CSMD3: variants seen among roughly 807,000 people sequenced by gnomAD.
The protein encoded by CSMD3 is CUB and Sushi multiple domains 3.
CSMD3 carries 177 observed loss-of-function variants against 435.2 expected under a neutral mutation model. The ratio of observed to expected loss-of-function variants is 0.41; its 90% confidence interval spans 0.36 to 0.46. The LOEUF (loss-of-function observed/expected upper bound fraction) is 0.46. Ranked by LOEUF, CSMD3 falls within the 20% of genes least tolerant of loss-of-function variation. The probability of loss-of-function intolerance (pLI) is 0.34; values close to 1 mark genes in which losing one functional copy is unlikely to be tolerated. For synonymous variants in CSMD3, 1,656 were observed against 1,520.5 expected, an observed-to-expected ratio of 1.09 and a Z score of -2.07; for missense variants, 4,265 against 4,504.6, an observed-to-expected ratio of 0.95 and a Z score of 1.52.
At chr8:113,342,663 C>T (rs928613963) in intron 1 of CSMD3, among the ~76,000 whole-genome samples, 1 of 152,084 alleles carries the variant, frequency 6.6e-6, no homozygotes, top group African/African-American at 2.4e-5. Context: ...GATTCTCAGG[C>T]ATATTAAGTT....
chr8:112,717,371 C>T (rs544553801), intron 13 of CSMD3, among the ~76,000 whole-genome samples: 52 of 152,240 alleles, frequency 3.4e-4, no homozygotes, highest in African/African-American at 1.2e-3. Context: ...CAATGAGATA[C>T]TATCTCTTGC....
chr8:112,823,815 G>A (rs111431020), intron 12 of CSMD3, among the ~76,000 whole-genome samples: 99 of 152,232 alleles, frequency 6.5e-4, no homozygotes, highest in African/African-American at 2.2e-3. Flanking sequence ...GGGGTGGAGC[G>A]TTCTGTAGAT....
At chr8:113,155,395 C>A (rs922599082) in intron 4 of CSMD3, among the ~76,000 whole-genome samples, 1 of 151,992 alleles carries the variant, frequency 6.6e-6, no homozygotes, top group Non-Finnish European at 1.5e-5. Context: ...TAGCTCATTT[C>A]TTGGCCTTTA....
At chr8:112,245,735 G>A (rs758051228) in intron 64 of CSMD3, among the ~76,000 whole-genome samples, 2 of 152,008 alleles carry the variant, frequency 1.3e-5, no homozygotes, top group Admixed American at 6.6e-5. Flanking sequence ...GATGGGTTTC[G>A]CCATGGTGAC....
intron 13 of CSMD3, among the ~76,000 whole-genome samples, chr8:112,692,919 ATCTATC>A (rs1248667694): frequency 6.1e-4 from 30 of 49,250 alleles, no homozygotes; most frequent in African/African-American, 4.0e-4. Flanking sequence ...CTTTATATCT[ATCTATC>A]TATCTATCTA....
At chr8:113,357,599 T>C (rs984123163) in intron 1 of CSMD3, among the ~76,000 whole-genome samples, 12 of 152,234 alleles carry the variant, frequency 7.9e-5, no homozygotes, top group African/African-American at 1.7e-4. Context: ...GATTGTTTTA[T>C]ATATTATTGT....
chr8:113,376,974 G>A (rs1291580501), intron 1 of CSMD3: 2 of 1,483,162 alleles, frequency 1.3e-6, no homozygotes, highest in Non-Finnish European at 1.8e-6. Context: ...AGGTGTGTGC[G>A]CTGCGCATGA....
chr8:112,333,948 C>A (rs991695180), intron 45 of CSMD3, among the ~76,000 whole-genome samples: 2 of 151,934 alleles, frequency 1.3e-5, no homozygotes, highest in Non-Finnish European at 2.9e-5. Flanking sequence ...TATTAGTTCC[C>A]GAATTATGAT....
At chr8:112,834,669 C>T (rs2079970557) in intron 11 of CSMD3, among the ~76,000 whole-genome samples, 2 of 151,374 alleles carry the variant, frequency 1.3e-5, no homozygotes, top group African/African-American at 2.4e-5. Flanking sequence ...ACATTTCCAC[C>T]CATTTATTTT....
chr8:112,256,528 G>T (rs932303538), intron 61 of CSMD3, among the ~76,000 whole-genome samples: 1 of 152,172 alleles, frequency 6.6e-6, no homozygotes, highest in African/African-American at 2.4e-5. Context: ...TAGCTTTCTA[G>T]AGGAAGATTA....
chr8:112,292,854 C>A, intron 54 of CSMD3, 144 bp from the exon 55 acceptor site: 1 of 733,758 alleles, frequency 1.4e-6, no homozygotes, highest in Non-Finnish European at 2.4e-6. Context: ...ACGGAAAGTA[C>A]ATTTACTAAT....
intron 32 of CSMD3, among the ~76,000 whole-genome samples, chr8:112,428,761 C>A (rs371705672): frequency 2.0e-5 from 3 of 152,072 alleles, no homozygotes; most frequent in African/African-American, 7.2e-5. Context: ...GAGAATAAGG[C>A]TCATCTGTTC....
chr8:113,001,874 G>A (rs1228617715), intron 6 of CSMD3, among the ~76,000 whole-genome samples: 1 of 151,998 alleles, frequency 6.6e-6, no homozygotes, highest in Non-Finnish European at 1.5e-5. Flanking sequence ...CTGTCCCTTA[G>A]CAAAGTACAT....
intron 1 of CSMD3, among the ~76,000 whole-genome samples, chr8:113,393,641 A>G (rs2094470871): frequency 6.6e-6 from 1 of 152,116 alleles, no homozygotes; most frequent in Admixed American, 6.6e-5. Context: ...CACTAGTTTC[A>G]CCGGTGGTAC....
Position 113,111,192 on chromosome 8 carries a change from T to A in CSMD3, c.710-12229A>T, listed in dbSNP as rs59530706. On this transcript the variant is annotated intron_variant, in intron 4 of 70. Coordinates refer to ENST00000297405, the MANE Select transcript of CSMD3 (RefSeq NM_198123.2). ...TTTGTCATTCCCAGGTCAGAAGTTT[T>A]CAAAGAATTTTTAAATTAAATATTG... 3.8e-3 allele frequency among the ~76,000 whole-genome samples: 574 copies of A among 152,238 alleles called. 4 individuals carry two copies. The highest frequency in any genetic ancestry group is 0.013 in the African/African-American group (538 of 41,550).
intron 5 of CSMD3, among the ~76,000 whole-genome samples, chr8:113,048,085 T>C (rs1357358337): frequency 9.8e-5 from 2 of 20,496 alleles, no homozygotes; most frequent in African/African-American, 1.1e-3. Flanking sequence ...CTTCAATTCT[T>C]TTTTTTTTTT....
intron 1 of CSMD3, among the ~76,000 whole-genome samples, chr8:113,328,217 T>C (rs2093998541): frequency 6.6e-6 from 1 of 151,650 alleles, no homozygotes; most frequent in African/African-American, 2.4e-5. Flanking sequence ...GGCGGGCGGA[T>C]CACGAGGTCA....
chr8:112,752,718 AT>A lies in CSMD3; in HGVS notation c.1972+47443del, dbSNP rs560062279. Among the ~76,000 whole-genome samples the A allele has an allele frequency of 3.3e-5, 5 of 152,274 alleles. No individual in the cohort carries two copies. The East Asian group carries it at 7.7e-4, about 23-fold the overall frequency. On this transcript the variant is annotated intron_variant, in intron 13 of 70. Coordinates refer to ENST00000297405, the MANE Select transcript of CSMD3 (RefSeq NM_198123.2). The stretch of plus-strand genomic sequence containing the variant: ...AGAAAGACAATATGAGTAAGATTCT[AT>A]TTTTTTAGTCAATATATATTCTCTA...
At chr8:112,594,098 C>A (rs1159847276) in intron 22 of CSMD3, among the ~76,000 whole-genome samples, 2 of 152,166 alleles carry the variant, frequency 1.3e-5, no homozygotes, top group African/African-American at 4.8e-5. Context: ...GCATTTCCAT[C>A]TGAGGTACCG....
Sources: allele counts gnomAD v4.1 joint callset (sites outside exome capture counted in the v4.1 genomes callset), GRCh38; gene constraint gnomAD v4.1.1; transcripts MANE v1.5; gene names NCBI Gene and HGNC (gene_info 2026-07-23, HGNC 2026-07-21).